DOCK4: variants seen among roughly 807,000 people sequenced by gnomAD.
The protein encoded by DOCK4 is dedicator of cytokinesis 4.
Under a neutral mutation model 268.1 loss-of-function variants are expected in DOCK4, and 97 were observed. The ratio of observed to expected loss-of-function variants is 0.36; its 90% confidence interval spans 0.31 to 0.43. The LOEUF is 0.43. Ranked by LOEUF, DOCK4 falls within the 20% of genes least tolerant of loss-of-function variation. DOCK4 has a pLI of 1.00. For synonymous variants in DOCK4, 954 were observed against 887.2 expected (o/e 1.08, Z -1.34); for missense variants, 2,145 against 2,455.7 (o/e 0.87, Z 2.67).
chr7:112,187,026 A>C (rs1366383393), intron 1 of DOCK4, among the ~76,000 whole-genome samples: 1 of 152,174 alleles, frequency 6.6e-6, no homozygotes, highest in Non-Finnish European at 1.5e-5. Context: ...CTAGAGAGAA[A>C]AATAAAAACC....
chr7:111,831,510 G>T (rs1451237314), intron 26 of DOCK4, among the ~76,000 whole-genome samples: 2 of 150,504 alleles, frequency 1.3e-5, no homozygotes, highest in African/African-American at 2.4e-5. Context: ...TTAGAGACAG[G>T]GTCTCCCTCT....
chr7:111,872,142 C>CA, intron 19 of DOCK4, 52 bp from the exon 20 acceptor site: 1 of 1,214,556 alleles, frequency 8.2e-7, no homozygotes, highest in Non-Finnish European at 1.1e-6. Context: ...CAAGGTTTTC[C>CA]TTTTTTTTTT....
rs572663018 is a variant in DOCK4 at position 112,050,198 on chromosome 7, T to G, written c.38-46067A>C. 5.9e-5 allele frequency among the ~76,000 whole-genome samples: 9 copies of G among 152,254 alleles called. No homozygotes were observed. In the South Asian group the frequency reaches 1.9e-3, roughly 32 times the overall value. On this transcript the variant is annotated intron_variant, in intron 1 of 52. Coordinates refer to ENST00000428084, the MANE Select transcript of DOCK4 (RefSeq NM_001363540.2). ...AAAATCTGGCACTTTCCCCCAGAAT[T>G]TAAAGAGGCCTCTCTTAAAACACTT...
intron 16 of DOCK4, among the ~76,000 whole-genome samples, chr7:111,880,817 T>A (rs1186541409): frequency 6.6e-6 from 1 of 152,102 alleles, no homozygotes; most frequent in Admixed American, 6.6e-5. Flanking sequence ...AGAATATACA[T>A]TGAGGAAAAG....
chr7:111,986,387 G>T (rs928547519), intron 6 of DOCK4, among the ~76,000 whole-genome samples: 5 of 152,156 alleles, frequency 3.3e-5, no homozygotes, highest in African/African-American at 1.2e-4. Context: ...GCTTCTGTTA[G>T]CTTCCTGGCG....
At chr7:111,902,270 G>A (rs1239807311) in intron 13 of DOCK4, among the ~76,000 whole-genome samples, 1 of 152,116 alleles carries the variant, frequency 6.6e-6, no homozygotes, top group African/African-American at 2.4e-5. Context: ...CAAAATTCAT[G>A]GACAAAATGA....
intron 1 of DOCK4, among the ~76,000 whole-genome samples, chr7:112,079,267 T>C (rs958197968): frequency 1.3e-5 from 2 of 152,136 alleles, no homozygotes; most frequent in African/African-American, 4.8e-5. Context: ...CATGTGGAAA[T>C]TGAGGGAGAC....
chr7:112,196,157 C>T (rs1275109279), intron 1 of DOCK4, among the ~76,000 whole-genome samples: 2 of 152,126 alleles, frequency 1.3e-5, no homozygotes, highest in Non-Finnish European at 1.5e-5. Flanking sequence ...CTCTCTACAA[C>T]GCGAAGGACT....
At chr7:112,188,118 G>A (rs1819626073) in intron 1 of DOCK4, among the ~76,000 whole-genome samples, 1 of 152,136 alleles carries the variant, frequency 6.6e-6, no homozygotes. Flanking sequence ...AGTACTATAG[G>A]GAATTGCCCA....
intron 8 of DOCK4, among the ~76,000 whole-genome samples, chr7:111,972,740 T>C (rs1481738570): frequency 6.6e-6 from 1 of 152,110 alleles, no homozygotes; most frequent in African/African-American, 2.4e-5. Context: ...AGTGAACATA[T>C]ATATACATAC....
intron 30 of DOCK4, among the ~76,000 whole-genome samples, chr7:111,797,920 A>T (rs184874521): frequency 5.9e-5 from 9 of 152,282 alleles, no homozygotes; most frequent in Non-Finnish European, 7.4e-5. Flanking sequence ...GAAACTACAA[A>T]AGCAAGCTAT....
chr7:112,080,722 C>T (rs925986924), intron 1 of DOCK4, among the ~76,000 whole-genome samples: 2 of 152,164 alleles, frequency 1.3e-5, no homozygotes, highest in Non-Finnish European at 2.9e-5. Flanking sequence ...CTTCGTTCAA[C>T]GCATATTTAC....
intron 1 of DOCK4, among the ~76,000 whole-genome samples, chr7:112,117,384 G>A (rs1212027418): frequency 6.6e-6 from 1 of 151,220 alleles, no homozygotes; most frequent in Non-Finnish European, 1.5e-5. Context: ...TTTCTTTTTT[G>A]AGACGGAGTT....
intron 1 of DOCK4, among the ~76,000 whole-genome samples, chr7:112,173,977 C>T (rs145666570): frequency 7.2e-4 from 110 of 152,246 alleles, no homozygotes; most frequent in African/African-American, 2.5e-3. Flanking sequence ...CCACTTCAGC[C>T]TTCCCATGCA....
intron 6 of DOCK4, among the ~76,000 whole-genome samples, chr7:111,986,272 C>G (rs1008199374): frequency 6.6e-6 from 1 of 152,152 alleles, no homozygotes; most frequent in African/African-American, 2.4e-5. Context: ...AGATAAGATA[C>G]GTGAAGACAG....
intron 1 of DOCK4, among the ~76,000 whole-genome samples, chr7:112,119,734 T>C (rs1389761159): frequency 6.6e-6 from 1 of 152,142 alleles, no homozygotes; most frequent in Admixed American, 6.5e-5. Context: ...AGTTCCCTTA[T>C]CTATAAAATG....
chr7:111,978,320 C>G (rs920519358), intron 7 of DOCK4, among the ~76,000 whole-genome samples: 1 of 152,216 alleles, frequency 6.6e-6, no homozygotes, highest in Non-Finnish European at 1.5e-5. Context: ...CAGCCTCTAC[C>G]TCCCAGGCTC....
intron 8 of DOCK4, among the ~76,000 whole-genome samples, chr7:111,962,108 G>A (rs890938483): frequency 6.6e-6 from 1 of 151,786 alleles, no homozygotes; most frequent in African/African-American, 2.4e-5. Flanking sequence ...TTCTTCCATT[G>A]CGGAAGTATT....
At chr7:112,168,153 A>G (rs916935620) in intron 1 of DOCK4, among the ~76,000 whole-genome samples, 13 of 152,226 alleles carry the variant, frequency 8.5e-5, no homozygotes, top group African/African-American at 2.9e-4. Flanking sequence ...GGTATTAATC[A>G]AGTTTTAAAC....
Sources: gnomAD v4.1 joint callset for allele counts (sites outside exome capture counted in the v4.1 genomes callset) on GRCh38, gnomAD v4.1.1 for gene constraint, MANE v1.5 for transcripts, NCBI Gene and HGNC (gene_info 2026-07-23, HGNC 2026-07-21) for gene names.